The following ZSWIM6 variants were observed in gnomAD, a reference collection of about 807,000 sequenced individuals.
The protein encoded by ZSWIM6 is zinc finger SWIM domain-containing protein 6.
Under a neutral mutation model 113.2 loss-of-function variants are expected in ZSWIM6, and 9 were observed. That is an observed-to-expected ratio of 0.08 (90% CI 0.05 to 0.14). The LOEUF is 0.14. Among genes scored for constraint, ZSWIM6 ranks in the 10% least tolerant of loss-of-function variants. The probability of loss-of-function intolerance (pLI) is 1.00; values close to 1 mark genes in which losing one functional copy is unlikely to be tolerated. For synonymous variants in ZSWIM6, 611 were observed against 606.5 expected, an observed-to-expected ratio of 1.01 and a Z score of -0.11; for missense variants, 1,162 against 1,552.2, an observed-to-expected ratio of 0.75 and a Z score of 4.22.
At chr5:61,372,082 C>T (rs2112068708) in intron 1 of ZSWIM6, among the ~76,000 whole-genome samples, 1 of 151,400 alleles carries the variant, frequency 6.6e-6, no homozygotes, top group East Asian at 1.9e-4. Flanking sequence ...TGAGATTTCT[C>T]ACTGTCATAC....
chr5:61,418,476 C>T (rs1014677925), intron 1 of ZSWIM6, among the ~76,000 whole-genome samples: 3 of 152,050 alleles, frequency 2.0e-5, no homozygotes, highest in Admixed American at 2.0e-4. Context: ...CCTGGTTGGT[C>T]TCGAACTCCT....
chr5:61,332,927 G>C lies in ZSWIM6; in HGVS notation c.655G>C (p.Val219Leu), dbSNP rs1013468013. ...CATCGCGCTGTTGGAAAGCGGCTGC[G>C]TAGACAACGTCCTGCAAGTCGGTGA... ...RGIALLESGC[V>L]DNVLQVGFHL... The change falls in exon 1 of 14, where the codon GTA (valine) becomes CTA (leucine). Residue 219 changes from valine (V) to leucine (L), a missense_variant. Val to Leu is a conservative substitution (Grantham distance 32). Coordinates refer to ENST00000252744, the MANE Select transcript of ZSWIM6 (RefSeq NM_020928.2). 7.4e-7 allele frequency: 1 copy of C among 1,353,912 alleles called. No homozygotes were observed. Among genetic ancestry groups the C allele is most frequent in the Non-Finnish European group, 9.6e-7 (1 of 1,040,940 alleles). The allele number at this position is 1,353,912 out of a possible 1,614,324, so 83.9% of individuals were successfully genotyped here.
chr5:61,374,214 G>T (rs1341959183), intron 1 of ZSWIM6, among the ~76,000 whole-genome samples: 3 of 152,104 alleles, frequency 2.0e-5, no homozygotes, highest in Non-Finnish European at 4.4e-5. Context: ...AGATTTTTCC[G>T]GATCATCTGT....
chr5:61,395,604 T>A (rs1200686111), intron 1 of ZSWIM6, among the ~76,000 whole-genome samples: 1 of 148,794 alleles, frequency 6.7e-6, no homozygotes, highest in Non-Finnish European at 1.5e-5. Flanking sequence ...TAAAACAAAA[T>A]GGATATCAAA....
chr5:61,517,288 C>T (rs972425940), intron 4 of ZSWIM6, among the ~76,000 whole-genome samples: 4 of 152,034 alleles, frequency 2.6e-5, no homozygotes, highest in African/African-American at 7.2e-5. Flanking sequence ...TATTTTCTTA[C>T]TTGTTTTTAA....
chr5:61,510,810 A>G (rs902851934), intron 4 of ZSWIM6, among the ~76,000 whole-genome samples: 4 of 152,206 alleles, frequency 2.6e-5, no homozygotes, highest in Non-Finnish European at 4.4e-5. Flanking sequence ...TGAAAGAACC[A>G]GTAGTACCTG....
chr5:61,448,408 T>C (rs60996763), intron 1 of ZSWIM6, among the ~76,000 whole-genome samples: 1 of 152,228 alleles, frequency 6.6e-6, no homozygotes, highest in Non-Finnish European at 1.5e-5. Flanking sequence ...TTCTATACAA[T>C]TGAACATAGG....
At chr5:61,409,997 G>T (rs1353876012) in intron 1 of ZSWIM6, among the ~76,000 whole-genome samples, 2 of 152,232 alleles carry the variant, frequency 1.3e-5, no homozygotes, top group African/African-American at 4.8e-5. Context: ...GATAAAGGGA[G>T]TTTTAGCCTT....
intron 4 of ZSWIM6, among the ~76,000 whole-genome samples, chr5:61,497,439 A>G (rs1265789107): frequency 6.6e-6 from 1 of 152,112 alleles, no homozygotes; most frequent in Non-Finnish European, 1.5e-5. Flanking sequence ...TCTTCCCCCC[A>G]TGCTCCAGCT....
intron 4 of ZSWIM6, among the ~76,000 whole-genome samples, chr5:61,519,012 G>T (rs1406995277): frequency 1.3e-5 from 2 of 152,016 alleles, no homozygotes; most frequent in Admixed American, 6.6e-5. Context: ...CATATGGCTA[G>T]CCAGTTTTCC....
chr5:61,418,466 C>A (rs1388760874), intron 1 of ZSWIM6, among the ~76,000 whole-genome samples: 1 of 151,860 alleles, frequency 6.6e-6, no homozygotes, highest in Non-Finnish European at 1.5e-5. Context: ...ATTTTCAAGA[C>A]CTGGTTGGTC....
chr5:61,480,132 GT>G (rs1011117978), intron 2 of ZSWIM6, among the ~76,000 whole-genome samples: 1 of 152,016 alleles, frequency 6.6e-6, no homozygotes, highest in Non-Finnish European at 1.5e-5. Context: ...AAAGCACTGT[GT>G]TTTTACTCTG....
intron 1 of ZSWIM6, among the ~76,000 whole-genome samples, chr5:61,468,111 A>G (rs1747479215): frequency 6.6e-6 from 1 of 152,216 alleles, no homozygotes; most frequent in African/African-American, 2.4e-5. Flanking sequence ...CAACCCTAGG[A>G]GGTATTTCTA....
intron 4 of ZSWIM6, among the ~76,000 whole-genome samples, chr5:61,518,148 A>G (rs1288785424): frequency 6.6e-6 from 1 of 151,910 alleles, no homozygotes; most frequent in Non-Finnish European, 1.5e-5. Context: ...ATAGTATTCC[A>G]TGGTGTATAT....
chr5:61,459,895 G>C (rs1178292619), intron 1 of ZSWIM6, among the ~76,000 whole-genome samples: 1 of 152,168 alleles, frequency 6.6e-6, no homozygotes, highest in Non-Finnish European at 1.5e-5. Flanking sequence ...TAAGGATTTG[G>C]ATATAAAATA....
intron 1 of ZSWIM6, among the ~76,000 whole-genome samples, chr5:61,465,419 C>CT (rs35241021): frequency 0.022 from 2,994 of 137,002 alleles, 72 homozygotes; most frequent in African/African-American, 0.055. Context: ...AGTGATATGA[C>CT]TTTTTTTTTT....
chr5:61,539,143 T>G (rs1749660293), intron 11 of ZSWIM6, among the ~76,000 whole-genome samples, 172 bp downstream of exon 11: 1 of 152,232 alleles, frequency 6.6e-6, no homozygotes, highest in Non-Finnish European at 1.5e-5. Context: ...TTTTCCTCAT[T>G]TACCTGCATC....
intron 7 of ZSWIM6, among the ~76,000 whole-genome samples, chr5:61,527,198 T>C (rs1456542607): frequency 6.6e-6 from 1 of 152,230 alleles, no homozygotes; most frequent in Non-Finnish European, 1.5e-5. Context: ...AAGAAATGTA[T>C]ATGCTTTTTC....
At chr5:61,536,483 C>T (rs1749577151) in intron 10 of ZSWIM6, among the ~76,000 whole-genome samples, 1 of 152,158 alleles carries the variant, frequency 6.6e-6, no homozygotes, top group Admixed American at 6.5e-5. Context: ...AAGTACAGAT[C>T]ACCTAAGGAC....
Sources: allele counts gnomAD v4.1 joint callset (sites outside exome capture counted in the v4.1 genomes callset), GRCh38; gene constraint gnomAD v4.1.1; transcripts MANE v1.5; gene names NCBI Gene and HGNC (gene_info 2026-07-23, HGNC 2026-07-21).